Variants in DLG1 observed in about 807,000 individuals in gnomAD.
DLG1 encodes discs large MAGUK scaffold protein 1.
In DLG1, 42 loss-of-function variants were observed where a neutral mutation model predicts 123.4. The observed-to-expected ratio is 0.34, with a 90% CI of 0.27 to 0.44. DLG1 has a LOEUF of 0.44. DLG1 is among the 20% of genes least tolerant of loss of function. The pLI is 1.00. For missense variants in DLG1, 942 were observed against 1,082.6 expected (o/e 0.87, Z 1.82); for synonymous variants, 317 against 356.2 (o/e 0.89, Z 1.24).
chr3:197,144,578 G>A (rs1789736896), intron 6 of DLG1, among the ~76,000 whole-genome samples: 1 of 152,170 alleles, frequency 6.6e-6, no homozygotes, highest in Non-Finnish European at 1.5e-5. Flanking sequence ...AACTGCAAGA[G>A]AAATAACAAA....
intron 8 of DLG1, among the ~76,000 whole-genome samples, chr3:197,139,572 C>G (rs764126729): frequency 1.4e-4 from 21 of 152,054 alleles, no homozygotes; most frequent in Non-Finnish European, 2.8e-4. Context: ...AATATATCTT[C>G]CAAAATGGAA....
intron 5 of DLG1, among the ~76,000 whole-genome samples, chr3:197,171,732 C>CA (rs1197901875): frequency 6.6e-6 from 1 of 152,002 alleles, no homozygotes; most frequent in East Asian, 1.9e-4. Flanking sequence ...AAGGATGAGC[C>CA]AAACACGAAA....
At chr3:197,192,498 G>A (rs1053015474) in intron 5 of DLG1, among the ~76,000 whole-genome samples, 2 of 151,768 alleles carry the variant, frequency 1.3e-5, no homozygotes, top group Admixed American at 1.3e-4. Flanking sequence ...AAAAGAGAAA[G>A]GAAGAAAAGA....
At chr3:197,076,711 C>T in intron 17 of DLG1, 26 bp from the exon 18 acceptor site, 1 of 1,563,664 alleles carries the variant, frequency 6.4e-7, no homozygotes, top group South Asian at 1.1e-5. Context: ...AGGGGCAAAA[C>T]AAAGGGATGT....
chr3:197,234,808 G>A (rs772829869), intron 4 of DLG1, among the ~76,000 whole-genome samples: 45 of 152,060 alleles, frequency 3.0e-4, no homozygotes, highest in Non-Finnish European at 3.8e-4. Flanking sequence ...GTTCATTTTT[G>A]TGTATTTCTA....
chr3:197,232,683 G>A (rs186627611), intron 4 of DLG1, among the ~76,000 whole-genome samples: 4 of 151,380 alleles, frequency 2.6e-5, no homozygotes, highest in Admixed American at 6.6e-5. Flanking sequence ...ATTATCTGCC[G>A]TGGTTCTCAT....
At chr3:197,185,903 G>A (rs1477541107) in intron 5 of DLG1, among the ~76,000 whole-genome samples, 1 of 152,100 alleles carries the variant, frequency 6.6e-6, no homozygotes, top group Non-Finnish European at 1.5e-5. Context: ...GAGAACTTAG[G>A]GGTCAATGGT....
intron 5 of DLG1, among the ~76,000 whole-genome samples, chr3:197,174,997 T>C (rs182100019): frequency 4.0e-4 from 61 of 152,232 alleles, no homozygotes; most frequent in Admixed American, 7.2e-4. Context: ...TGCTACCAAA[T>C]TGGGGCTTAA....
chr3:197,195,758 G>C (rs1722152813), intron 4 of DLG1, among the ~76,000 whole-genome samples: 1 of 152,018 alleles, frequency 6.6e-6, no homozygotes, highest in African/African-American at 2.4e-5. Flanking sequence ...GTGTGGGGTG[G>C]ATGGCTACCT....
intron 4 of DLG1, among the ~76,000 whole-genome samples, chr3:197,247,511 A>G (rs11715984): frequency 0.15 from 23,541 of 152,014 alleles, 2,716 homozygotes; most frequent in African/African-American, 0.33. Context: ...CTGCCAACAC[A>G]GGGCATAATC....
intron 15 of DLG1, among the ~76,000 whole-genome samples, chr3:197,088,021 T>C (rs1755425833): frequency 6.6e-6 from 1 of 152,164 alleles, no homozygotes; most frequent in Admixed American, 6.5e-5. Flanking sequence ...ACTTGGTTTA[T>C]ACTATTGGCA....
chr3:197,065,069 C>T (rs76508171), intron 22 of DLG1, among the ~76,000 whole-genome samples: 16,137 of 151,196 alleles, frequency 0.11, 1,186 homozygotes, highest in Admixed American at 0.17. Flanking sequence ...TTCATGTTAT[C>T]ATTTCTATTT....
intron 6 of DLG1, among the ~76,000 whole-genome samples, chr3:197,144,240 G>T (rs1415851482): frequency 6.6e-6 from 1 of 152,170 alleles, no homozygotes; most frequent in Non-Finnish European, 1.5e-5. Context: ...GTCATCTGAT[G>T]CCTGATAGTA....
intron 11 of DLG1, among the ~76,000 whole-genome samples, chr3:197,121,823 C>CAAAAAAAAAAAAAAAAAAAAAA (rs71161995): frequency 2.9e-5 from 3 of 102,000 alleles, no homozygotes; most frequent in African/African-American, 4.1e-5. Flanking sequence ...ACAATCACCA[C>CAAAAAAAAAAAAAAAAAAAAAA]AAAAAAAAAA....
At chr3:197,245,263 A>T (rs1358840532) in intron 4 of DLG1, among the ~76,000 whole-genome samples, 1 of 152,174 alleles carries the variant, frequency 6.6e-6, no homozygotes, top group East Asian at 1.9e-4. Context: ...CTATTAATCC[A>T]AACTTGGGTA....
intron 11 of DLG1, among the ~76,000 whole-genome samples, chr3:197,129,517 C>T (rs2149527138): frequency 6.6e-6 from 1 of 152,302 alleles, no homozygotes; most frequent in Non-Finnish European, 1.5e-5. Flanking sequence ...GATTGTCTTG[C>T]TTTCTTATCA....
chr3:197,149,148 T>C (rs576441854), intron 6 of DLG1, among the ~76,000 whole-genome samples: 1 of 152,314 alleles, frequency 6.6e-6, no homozygotes, highest in East Asian at 1.9e-4. Context: ...CATTACTTTC[T>C]AATTCCAGAA....
At chr3:197,211,269 G>T (rs1288557583) in intron 4 of DLG1, among the ~76,000 whole-genome samples, 1 of 146,122 alleles carries the variant, frequency 6.8e-6, no homozygotes, top group Admixed American at 6.9e-5. Flanking sequence ...TAAAGAGGCT[G>T]AACTCCTCTC....
chr3:197,249,667 C>T (rs146069815), intron 4 of DLG1, among the ~76,000 whole-genome samples: 2 of 152,218 alleles, frequency 1.3e-5, no homozygotes, highest in Non-Finnish European at 2.9e-5. Context: ...AAATCTTCAA[C>T]AAAATATTAG....
Sources: gnomAD v4.1 joint callset for allele counts (sites outside exome capture counted in the v4.1 genomes callset) on GRCh38, gnomAD v4.1.1 for gene constraint, MANE v1.5 for transcripts, NCBI Gene and HGNC (gene_info 2026-07-23, HGNC 2026-07-21) for gene names.